The following RBFOX1 variants were observed in gnomAD, a reference collection of about 807,000 sequenced individuals.
The protein encoded by RBFOX1 is RNA binding protein fox-1 homolog 1.
Under a neutral mutation model 57.7 loss-of-function variants are expected in RBFOX1, and 8 were observed. The observed-to-expected ratio is 0.14, with a 90% CI of 0.08 to 0.25. The LOEUF (loss-of-function observed/expected upper bound fraction) is 0.25. Among genes scored for constraint, RBFOX1 ranks in the 10% least tolerant of loss-of-function variants. The pLI is 1.00. For synonymous variants in RBFOX1, 326 were observed against 222.4 expected (o/e 1.47, Z -4.15); for missense variants, 611 against 548.5 (o/e 1.11, Z -1.14).
intron 4 of RBFOX1, among the ~76,000 whole-genome samples, chr16:7,308,857 C>G (rs2096250905): frequency 6.6e-6 from 1 of 152,200 alleles, no homozygotes; most frequent in Non-Finnish European, 1.5e-5. Context: ...ACAATTATGA[C>G]TGTGTAGAAA....
intron 4 of RBFOX1, among the ~76,000 whole-genome samples, chr16:7,341,746 C>G (rs1312884287): frequency 8.0e-6 from 1 of 125,210 alleles, no homozygotes; most frequent in African/African-American, 3.0e-5. Flanking sequence ...TTCCCTCCCT[C>G]CCTCCCTCCT....
At chr16:5,634,873 C>T (rs1349396293) in intron 3 of RBFOX1, among the ~76,000 whole-genome samples, 6 of 152,182 alleles carry the variant, frequency 3.9e-5, no homozygotes, top group African/African-American at 1.4e-4. Flanking sequence ...AAAAGAGAAT[C>T]TTTTTACTCA....
At chr16:7,519,120 A>C (rs887423672) in intron 5 of RBFOX1, among the ~76,000 whole-genome samples, 3 of 152,216 alleles carry the variant, frequency 2.0e-5, no homozygotes, top group African/African-American at 4.8e-5. Flanking sequence ...TAGCATATTT[A>C]CGGAGTTGTG....
At chr16:6,634,447 G>A (rs2098415020) in intron 2 of RBFOX1, among the ~76,000 whole-genome samples, 1 of 151,166 alleles carries the variant, frequency 6.6e-6, no homozygotes, top group Non-Finnish European at 1.5e-5. Flanking sequence ...CCCGGGCTTA[G>A]TGAAGTTGCA....
intron 4 of RBFOX1, among the ~76,000 whole-genome samples, chr16:7,105,791 T>TAGAA (rs77577398): frequency 0.036 from 5,434 of 151,582 alleles, 360 homozygotes; most frequent in African/African-American, 0.12. Context: ...TATATAGAGA[T>TAGAA]AGATAGATAG....
chr16:6,590,818 G>A (rs1257148517), intron 2 of RBFOX1, among the ~76,000 whole-genome samples: 3 of 146,312 alleles, frequency 2.1e-5, no homozygotes, highest in Admixed American at 1.4e-4. Context: ...TACATGGACA[G>A]CTCTGTCATA....
At chr16:5,912,950 G>A (rs888517581) in intron 4 of RBFOX1, among the ~76,000 whole-genome samples, 1 of 152,180 alleles carries the variant, frequency 6.6e-6, no homozygotes, top group Non-Finnish European at 1.5e-5. Context: ...ACCTGGTGGG[G>A]TGGCCAGCTT....
intron 3 of RBFOX1, among the ~76,000 whole-genome samples, chr16:5,684,014 G>C (rs1177544814): frequency 1.3e-5 from 2 of 151,992 alleles, no homozygotes; most frequent in Non-Finnish European, 2.9e-5. Flanking sequence ...GTAGGAGAAT[G>C]CAGATGCATT....
intron 4 of RBFOX1, among the ~76,000 whole-genome samples, chr16:7,402,241 G>A (rs923895036): frequency 5.3e-5 from 8 of 152,200 alleles, no homozygotes; most frequent in African/African-American, 1.4e-4. Context: ...CACCTGTAAG[G>A]GAGGGTCAAC....
intron 3 of RBFOX1, among the ~76,000 whole-genome samples, chr16:5,678,903 G>A (rs917523): frequency 0.3 from 44,977 of 152,080 alleles, 7,448 homozygotes; most frequent in East Asian, 0.57. Flanking sequence ...ACAGATTCAC[G>A]GAAGAAGAGC....
At chr16:5,555,912 T>C (rs989982832) in intron 2 of RBFOX1, among the ~76,000 whole-genome samples, 1 of 151,942 alleles carries the variant, frequency 6.6e-6, no homozygotes, top group Non-Finnish European at 1.5e-5. Context: ...TCCCAGTTAC[T>C]TGGGAGGCTG....
intron 1 of RBFOX1, among the ~76,000 whole-genome samples, chr16:6,106,303 C>CA (rs113404765): frequency 0.69 from 103,618 of 150,276 alleles, 36,179 homozygotes; most frequent in African/African-American, 0.8. Flanking sequence ...AGTAAAAATA[C>CA]AAAAAAAATT....
chr16:6,830,598 G>C (rs895269523), intron 3 of RBFOX1, among the ~76,000 whole-genome samples: 1 of 152,154 alleles, frequency 6.6e-6, no homozygotes, highest in South Asian at 2.1e-4. Context: ...TTGACATCTA[G>C]TTGGTAGAGG....
intron 2 of RBFOX1, among the ~76,000 whole-genome samples, chr16:6,413,361 G>T (rs1328973980): frequency 6.6e-6 from 1 of 150,768 alleles, no homozygotes; most frequent in African/African-American, 2.4e-5. Flanking sequence ...AGGGGGTCTT[G>T]CTCTGTTGCC....
chr16:5,430,548 C>T (rs12445299), intron 1 of RBFOX1, among the ~76,000 whole-genome samples: 63,712 of 151,932 alleles, frequency 0.42, 15,586 homozygotes, highest in East Asian at 0.61. Flanking sequence ...GCGAGCAAGG[C>T]GGTTCATGAA....
At chr16:5,992,788 G>A (rs1394702085) in intron 4 of RBFOX1, among the ~76,000 whole-genome samples, 1 of 152,128 alleles carries the variant, frequency 6.6e-6, no homozygotes, top group Non-Finnish European at 1.5e-5. Context: ...ACAAAAATTA[G>A]CTGGGCATGG....
At chr16:5,890,046 G>A (rs1266596238) in intron 4 of RBFOX1, among the ~76,000 whole-genome samples, 1 of 152,120 alleles carries the variant, frequency 6.6e-6, no homozygotes, top group African/African-American at 2.4e-5. Flanking sequence ...GTGTTGACTG[G>A]CAGTTCCGTG....
At chr16:6,023,953 A>G (rs2095135233) in intron 1 of RBFOX1, among the ~76,000 whole-genome samples, 2 of 152,228 alleles carry the variant, frequency 1.3e-5, no homozygotes, top group African/African-American at 4.8e-5. Context: ...AAGGGGATCT[A>G]GCACTTTCAG....
intron 2 of RBFOX1, chr16:6,483,287 G>C (rs927082126): frequency 1.5e-5 from 21 of 1,376,102 alleles, no homozygotes; most frequent in Middle Eastern, 2.8e-4. Context: ...CTCCTTGCAC[G>C]GGCTGCTCGC....
Sources: gnomAD v4.1 joint callset for allele counts (sites outside exome capture counted in the v4.1 genomes callset) on GRCh38, gnomAD v4.1.1 for gene constraint, MANE v1.5 for transcripts, NCBI Gene and HGNC (gene_info 2026-07-23, HGNC 2026-07-21) for gene names.